The following ANKRD17 variants were observed in gnomAD, a reference collection of about 807,000 sequenced individuals.
ANKRD17 encodes ankyrin repeat domain 17.
Under a neutral mutation model 229.7 loss-of-function variants are expected in ANKRD17, and 19 were observed. That is an observed-to-expected ratio of 0.08 (90% CI 0.06 to 0.12). ANKRD17 has a LOEUF of 0.12. Ranked by LOEUF, ANKRD17 falls within the 10% of genes least tolerant of loss-of-function variation. The pLI is 1.00. For missense variants in ANKRD17, 2,176 were observed against 3,176.8 expected, an observed-to-expected ratio of 0.68 and a Z score of 7.57; for synonymous variants, 1,112 against 1,146.1, an observed-to-expected ratio of 0.97 and a Z score of 0.60.
intron 27 of ANKRD17, among the ~76,000 whole-genome samples, chr4:73,095,007 C>T (rs1037068401): frequency 6.6e-6 from 1 of 151,566 alleles, no homozygotes; most frequent in Non-Finnish European, 1.5e-5. Context: ...CCTGTCTCTA[C>T]TGAAAAAAAT....
intron 2 of ANKRD17, among the ~76,000 whole-genome samples, chr4:73,169,300 G>A (rs1156298401): frequency 6.6e-6 from 1 of 152,072 alleles, no homozygotes; most frequent in Non-Finnish European, 1.5e-5. Context: ...CTATGCTTGG[G>A]CGCCATTTTA....
intron 29 of ANKRD17, among the ~76,000 whole-genome samples, chr4:73,089,918 T>G (rs931288711): frequency 7.2e-5 from 11 of 152,170 alleles, no homozygotes; most frequent in Non-Finnish European, 1.3e-4. Flanking sequence ...TTCATTAATT[T>G]AAATTTAAAA....
At chr4:73,247,461 G>T (rs1744601333) in intron 1 of ANKRD17, among the ~76,000 whole-genome samples, 1 of 151,914 alleles carries the variant, frequency 6.6e-6, no homozygotes, top group Non-Finnish European at 1.5e-5. Flanking sequence ...CAATCTAAAT[G>T]TCTACCAAAA....
At chr4:73,096,005 G>C (rs935857136) in intron 27 of ANKRD17, among the ~76,000 whole-genome samples, 6 of 152,066 alleles carry the variant, frequency 3.9e-5, no homozygotes, top group African/African-American at 1.4e-4. Context: ...TTCCTGATAA[G>C]CTGATTAAAC....
At chr4:73,203,715 C>G (rs1417761876) in intron 1 of ANKRD17, among the ~76,000 whole-genome samples, 1 of 138,390 alleles carries the variant, frequency 7.2e-6, no homozygotes, top group Non-Finnish European at 1.5e-5. Context: ...GTCGAGATCA[C>G]GCCACTGCAC....
intron 18 of ANKRD17, among the ~76,000 whole-genome samples, chr4:73,122,750 T>C (rs1313527872): frequency 6.6e-6 from 1 of 152,102 alleles, no homozygotes; most frequent in East Asian, 1.9e-4. Flanking sequence ...TCACATTCTT[T>C]CCATCACTTT....
At position 73,139,804 on chromosome 4, in the gene ANKRD17, T is replaced by C. The variant is rs1330850784; in HGVS notation, c.2812A>G (p.Lys938Glu). ...RLQQVDPVLLKDEPQQTAAQM... is the reference protein window; with the variant it reads ...RLQQVDPVLLEDEPQQTAAQM... ...GCAGCAGTCTGCTGGGGTTCATCTT[T>C]AAGTAAAACAGGATCCACTTGCTGT... is the stretch of plus-strand genomic sequence containing the variant. Residue 938 changes from lysine to glutamate, a missense_variant, in exon 15 of 34, where the codon AAA becomes GAA. Transcript: ENST00000358602. 1.2e-6 allele frequency: 2 copies of C among 1,614,104 alleles called. No individual in the cohort carries two copies. Among genetic ancestry groups the C allele is most frequent in the African/African-American group, 2.7e-5 (2 of 74,930 alleles).
intron 11 of ANKRD17, 37 bp downstream of exon 11, chr4:73,144,708 C>A (rs1307634179): frequency 2.8e-6 from 4 of 1,433,872 alleles, no homozygotes; most frequent in South Asian, 1.4e-5. Flanking sequence ...GGGGTAGATA[C>A]CTTTCAAAAA....
chr4:73,219,386 T>A (rs1741561836), intron 1 of ANKRD17, among the ~76,000 whole-genome samples: 1 of 152,188 alleles, frequency 6.6e-6, no homozygotes, highest in Non-Finnish European at 1.5e-5. Flanking sequence ...AGATTTGATA[T>A]CATTACCAAA....
intron 29 of ANKRD17, among the ~76,000 whole-genome samples, chr4:73,090,148 G>A (rs150724734): frequency 2.6e-5 from 4 of 152,256 alleles, no homozygotes; most frequent in Admixed American, 1.3e-4. Context: ...TGTGGCTCAC[G>A]CCTGTAATCC....
At chr4:73,083,197 T>C (rs1206993104) in intron 30 of ANKRD17, among the ~76,000 whole-genome samples, 3 of 152,218 alleles carry the variant, frequency 2.0e-5, no homozygotes, top group African/African-American at 4.8e-5. Flanking sequence ...AAATGCAATA[T>C]GTGAGCCTTG....
Position 73,102,396 on chromosome 4 carries a change from T to C in ANKRD17, c.4553A>G (p.Lys1518Arg). The C allele has an allele frequency of 6.3e-7, 1 of 1,583,822 alleles. No individual in the cohort carries two copies. The highest frequency in any genetic ancestry group is 8.5e-7 in the Non-Finnish European group (1 of 1,172,986). ...ENFELQAAQE[K>R]EKLKVEDEPE... ...AATACCTTCAACTTTAAGCTTTTCT[T>C]TTTCTTGAGCAGCTTGGAGTTCAAA... The change falls in exon 25 of 34, where the codon AAA (lysine) becomes AGA (arginine). Residue 1518 changes from lysine to arginine, a missense_variant. Physicochemically the swap from Lys to Arg is conservative, Grantham distance 26. Coordinates refer to ENST00000358602, the MANE Select transcript of ANKRD17 (RefSeq NM_032217.5).
chr4:73,159,945 C>T (rs1732274940), intron 3 of ANKRD17, among the ~76,000 whole-genome samples: 1 of 151,456 alleles, frequency 6.6e-6, no homozygotes, highest in Admixed American at 6.6e-5. Context: ...TTAATACTAT[C>T]TAACCTCTCT....
chr4:73,218,642 C>CAAA (rs919657671), intron 1 of ANKRD17, among the ~76,000 whole-genome samples: 5 of 59,662 alleles, frequency 8.4e-5, no homozygotes, highest in East Asian at 4.7e-4. Flanking sequence ...GACTCTGTCT[C>CAAA]AAAAAAAAAA....
At chr4:73,168,203 G>A (rs1733495439) in intron 2 of ANKRD17, among the ~76,000 whole-genome samples, 1 of 151,912 alleles carries the variant, frequency 6.6e-6, no homozygotes, top group Non-Finnish European at 1.5e-5. Context: ...TTTACTGAAA[G>A]CATTATTGAA....
At chr4:73,116,979 A>C (rs1726045163) in intron 22 of ANKRD17, among the ~76,000 whole-genome samples, 1 of 152,126 alleles carries the variant, frequency 6.6e-6, no homozygotes, top group Non-Finnish European at 1.5e-5. Flanking sequence ...TGAAGTCAAT[A>C]AGTCTATCTG....
intron 22 of ANKRD17, among the ~76,000 whole-genome samples, chr4:73,116,696 C>T (rs973896146): frequency 2.0e-5 from 3 of 152,088 alleles, no homozygotes; most frequent in South Asian, 4.1e-4. Flanking sequence ...AGTGTTTAAA[C>T]TATTTACATG....
At chr4:73,133,112 T>C (rs1416305787) in intron 16 of ANKRD17, among the ~76,000 whole-genome samples, 1 of 151,772 alleles carries the variant, frequency 6.6e-6, no homozygotes, top group African/African-American at 2.4e-5. Flanking sequence ...TGGCCAGGCG[T>C]GATGGTGGGC....
At chr4:73,177,979 A>G (rs1416250076) in intron 1 of ANKRD17, among the ~76,000 whole-genome samples, 1 of 152,162 alleles carries the variant, frequency 6.6e-6, no homozygotes, top group African/African-American at 2.4e-5. Flanking sequence ...CATACTGGAA[A>G]TTAAGTAACA....
Sources: gnomAD v4.1 joint callset for allele counts (sites outside exome capture counted in the v4.1 genomes callset) on GRCh38, gnomAD v4.1.1 for gene constraint, MANE v1.5 for transcripts, NCBI Gene and HGNC (gene_info 2026-07-23, HGNC 2026-07-21) for gene names.